The following DOCK9 variants were observed in gnomAD, a reference collection of about 807,000 sequenced individuals.
DOCK9 encodes dedicator of cytokinesis 9, also known as dedicator of cytokinesis protein 9.
Under a neutral mutation model 263.3 loss-of-function variants are expected in DOCK9, and 89 were observed. The observed-to-expected ratio is 0.34, with a 90% confidence interval of 0.28 to 0.40. The LOEUF is 0.40. Ranked by LOEUF, DOCK9 falls within the 10% of genes least tolerant of loss-of-function variation. The pLI, the probability that DOCK9 is intolerant of heterozygous loss-of-function variation, is 1.00. For missense variants in DOCK9, 2,140 were observed against 2,603.4 expected, an observed-to-expected ratio of 0.82 and a Z score of 3.87; for synonymous variants, 976 against 973.1, an observed-to-expected ratio of 1.00 and a Z score of -0.06.
At chr13:99,021,714 A>G (rs1284504305) in intron 1 of DOCK9, among the ~76,000 whole-genome samples, 2 of 152,012 alleles carry the variant, frequency 1.3e-5, no homozygotes, top group Admixed American at 1.3e-4. Context: ...TTGTAAAATA[A>G]GGAGTGGAGC....
chr13:98,893,896 T>C (rs2139164920), intron 15 of DOCK9, among the ~76,000 whole-genome samples: 1 of 152,370 alleles, frequency 6.6e-6, no homozygotes, highest in East Asian at 1.9e-4. Flanking sequence ...GTGTCTTCTA[T>C]GCTGTCACCA....
chr13:98,921,237 C>A, intron 6 of DOCK9, 149 bp from the exon 7 acceptor site: 1 of 759,130 alleles, frequency 1.3e-6, no homozygotes, highest in Middle Eastern at 3.7e-4. Context: ...GGTCAAGACT[C>A]CCCATCCCAT....
chr13:98,992,173 G>A (rs1879963399), intron 1 of DOCK9, among the ~76,000 whole-genome samples: 1 of 152,070 alleles, frequency 6.6e-6, no homozygotes, highest in Non-Finnish European at 1.5e-5. Context: ...TACCTGTTGA[G>A]GAGTTATCAG....
intron 1 of DOCK9, among the ~76,000 whole-genome samples, chr13:99,008,295 T>C (rs1883838499): frequency 6.7e-6 from 1 of 149,434 alleles, no homozygotes; most frequent in African/African-American, 2.5e-5. Context: ...TGCAATGGTG[T>C]GATCTCAGCT....
At chr13:99,077,770 C>T (rs1169558690) in intron 1 of DOCK9, among the ~76,000 whole-genome samples, 2 of 152,210 alleles carry the variant, frequency 1.3e-5, no homozygotes, top group African/African-American at 4.8e-5. Flanking sequence ...TTTTGCCACA[C>T]AGACCTGCCA....
chr13:99,071,312 T>C (rs1305300422), intron 1 of DOCK9, among the ~76,000 whole-genome samples: 2 of 109,782 alleles, frequency 1.8e-5, no homozygotes, highest in East Asian at 2.4e-4. Flanking sequence ...CTGGCTTTTT[T>C]TTTTTTTTTT....
In DOCK9 at chr13:98,887,143, ATTTTTTT is replaced by A. The variant is rs58434344; in HGVS notation, c.2044-526_2044-520del. 2.0e-3 allele frequency among the ~76,000 whole-genome samples: 194 copies of A among 95,226 alleles called. 1 individual carries two copies. The highest frequency in any genetic ancestry group is 7.8e-3 in the African/African-American group (180 of 23,004). 62.5% of individuals were successfully genotyped at this position (95,226 alleles called of 152,430 possible). ...CTATATTTTATATATATATATATATATTTTTTTTTTTTTTTTTTTTTTTTGCATCTTT... is the reference window on the plus strand; with the variant it reads ...CTATATTTTATATATATATATATATATTTTTTTTTTTTTTTTTGCATCTTT... On this transcript the variant is annotated intron_variant, in intron 18 of 52. Transcript: ENST00000682017.
intron 45 of DOCK9, among the ~76,000 whole-genome samples, chr13:98,820,304 C>T (rs1302707071): frequency 2.0e-5 from 3 of 152,138 alleles, no homozygotes; most frequent in Non-Finnish European, 4.4e-5. Context: ...CACTTAGGAA[C>T]CCCAGAAAGC....
intron 50 of DOCK9, among the ~76,000 whole-genome samples, chr13:98,799,781 GAC>G (rs2089893451): frequency 6.6e-6 from 1 of 152,116 alleles, no homozygotes; most frequent in Non-Finnish European, 1.5e-5. Flanking sequence ...TTTTGGAGTA[GAC>G]ACAGATTTCT....
intron 1 of DOCK9, among the ~76,000 whole-genome samples, chr13:99,047,314 C>A (rs140249976): frequency 0.028 from 4,209 of 152,240 alleles, 96 homozygotes; most frequent in South Asian, 0.063. Flanking sequence ...GAACCACAGG[C>A]TGAGGAGTAT....
intron 38 of DOCK9, among the ~76,000 whole-genome samples, chr13:98,842,985 G>T (rs117091534): frequency 6.6e-6 from 1 of 152,156 alleles, no homozygotes; most frequent in Non-Finnish European, 1.5e-5. Context: ...TGTGCAGTGC[G>T]TGTGGTGCCT....
At chr13:99,003,661 T>TC (rs55776271) in intron 1 of DOCK9, among the ~76,000 whole-genome samples, 78,809 of 151,386 alleles carry the variant, frequency 0.52, 20,741 homozygotes, top group South Asian at 0.68. Context: ...CTTGACTCCT[T>TC]GTCTCTTATT....
chr13:98,972,870 T>C (rs974459461), intron 1 of DOCK9, among the ~76,000 whole-genome samples: 2 of 152,208 alleles, frequency 1.3e-5, no homozygotes, highest in African/African-American at 4.8e-5. Flanking sequence ...CCTTGCTGCC[T>C]GGGGAGAGGG....
At chr13:98,897,739 T>C in intron 14 of DOCK9, 129 bp from the exon 15 acceptor site, 2 of 1,316,910 alleles carry the variant, frequency 1.5e-6, no homozygotes, top group Non-Finnish European at 2.1e-6. Context: ...AATCTCATTA[T>C]CTAAAAACAT....
At chr13:99,015,287 A>C (rs7992572) in intron 1 of DOCK9, among the ~76,000 whole-genome samples, 33,833 of 151,918 alleles carry the variant, frequency 0.22, 3,763 homozygotes, top group Middle Eastern at 0.3. Flanking sequence ...ACATACAAAC[A>C]CTCACTTCAT....
chr13:98,805,785 G>A (rs2090630860), intron 48 of DOCK9, among the ~76,000 whole-genome samples: 1 of 151,828 alleles, frequency 6.6e-6, no homozygotes. Flanking sequence ...TTTTGAGACA[G>A]AGTTTTGCTC....
chr13:99,080,477 C>T (rs1481310715), intron 1 of DOCK9, among the ~76,000 whole-genome samples: 1 of 152,192 alleles, frequency 6.6e-6, no homozygotes, highest in Non-Finnish European at 1.5e-5. Context: ...AGGATGTGTT[C>T]TCAGCCAATC....
chr13:98,893,042 G>A (rs1429084785), intron 15 of DOCK9, among the ~76,000 whole-genome samples: 1 of 152,184 alleles, frequency 6.6e-6, no homozygotes, highest in Admixed American at 6.5e-5. Context: ...TGTGTATGCT[G>A]CATGTGTTTG....
intron 1 of DOCK9, among the ~76,000 whole-genome samples, chr13:98,995,976 C>A (rs1388703749): frequency 2.0e-5 from 3 of 152,038 alleles, no homozygotes; most frequent in East Asian, 3.9e-4. Context: ...CACGATGAGC[C>A]CAGTAGGGTA....
Sources: gnomAD v4.1 joint callset for allele counts (sites outside exome capture counted in the v4.1 genomes callset) on GRCh38, gnomAD v4.1.1 for gene constraint, MANE v1.5 for transcripts, NCBI Gene and HGNC (gene_info 2026-07-23, HGNC 2026-07-21) for gene names.